Variants in SGCG observed in about 807,000 individuals in gnomAD.
SGCG encodes the protein sarcoglycan gamma.
Under a neutral mutation model 29.3 loss-of-function variants are expected in SGCG, and 26 were observed. The ratio of observed to expected loss-of-function variants is 0.89; its 90% confidence interval spans 0.65 to 1.23. SGCG has a LOEUF of 1.23. Among genes scored for constraint, SGCG ranks in the 50% most tolerant of loss-of-function variants. The pLI is 0.00. For synonymous variants in SGCG, 145 were observed against 129.7 expected, an observed-to-expected ratio of 1.12 and a Z score of -0.80; for missense variants, 353 against 356.0, an observed-to-expected ratio of 0.99 and a Z score of 0.07.
chr13:23,231,545 A>T (rs1879114505), intron 2 of SGCG, among the ~76,000 whole-genome samples: 1 of 152,094 alleles, frequency 6.6e-6, no homozygotes, highest in Non-Finnish European at 1.5e-5. Flanking sequence ...TGAACCCAGA[A>T]ATTTGGCAGC....
At chr13:23,201,035 C>T (rs759250952) in intron 1 of SGCG, among the ~76,000 whole-genome samples, 4 of 152,078 alleles carry the variant, frequency 2.6e-5, no homozygotes, top group Non-Finnish European at 4.4e-5. Flanking sequence ...TGAGCCGATG[C>T]ATGTTTTGAA....
chr13:23,216,795 T>C (rs1878445639), intron 2 of SGCG, among the ~76,000 whole-genome samples: 1 of 152,146 alleles, frequency 6.6e-6, no homozygotes, highest in South Asian at 2.1e-4. Flanking sequence ...TGTTGTTAAT[T>C]ACATAAAATG....
chr13:23,166,522 A>C, the SGCG span, among the ~76,000 whole-genome samples: 1 of 152,058 alleles, frequency 6.6e-6, no homozygotes, highest in African/African-American at 2.4e-5. Context: ...GATTCCCTGT[A>C]TTTGTCTGTC....
chr13:23,277,784 C>T (rs953598031), intron 4 of SGCG, among the ~76,000 whole-genome samples: 11 of 150,918 alleles, frequency 7.3e-5, no homozygotes, highest in East Asian at 3.9e-4. Context: ...CTGCAAGCTC[C>T]GCCTCCCAGG....
At chr13:23,196,258 G>T (rs531277729) in intron 1 of SGCG, among the ~76,000 whole-genome samples, 1 of 152,192 alleles carries the variant, frequency 6.6e-6, no homozygotes, top group South Asian at 2.1e-4. Flanking sequence ...GTAAATTAAA[G>T]ATCTTTAGGC....
Position 23,265,621 on chromosome 13 carries a change from G to C in SGCG, c.386-13738G>C, listed in dbSNP as rs116680461. ...AATAAGTAGGCAAAAGACATTAATA[G>C]ACATTTCTCAAAAGAAGATACAAAA... On this transcript the variant is annotated intron_variant, in intron 4 of 7. Transcript: ENST00000218867. Among the ~76,000 whole-genome samples, 878 of 152,064 alleles carry C rather than the reference G, an allele frequency of 5.8e-3. 7 individuals are homozygous for C. The highest frequency in any genetic ancestry group is 0.02 in the African/African-American group (847 of 41,500).
At chr13:23,256,625 A>G (rs984333541) in intron 4 of SGCG, among the ~76,000 whole-genome samples, 1 of 151,596 alleles carries the variant, frequency 6.6e-6, no homozygotes, top group Non-Finnish European at 1.5e-5. Context: ...GACAACATGC[A>G]GTGTTTGGTT....
intron 2 of SGCG, among the ~76,000 whole-genome samples, chr13:23,234,247 C>A (rs1302937378): frequency 6.6e-6 from 1 of 152,090 alleles, no homozygotes; most frequent in East Asian, 1.9e-4. Context: ...GATGATTAGA[C>A]AAATCTATAT....
intron 2 of SGCG, among the ~76,000 whole-genome samples, chr13:23,205,741 C>T (rs1469364172): frequency 6.6e-6 from 1 of 152,052 alleles, no homozygotes; most frequent in African/African-American, 2.4e-5. Context: ...CCGGCCATCA[C>T]TGCAGCTGCC....
intron 6 of SGCG, 140 bp from the exon 7 acceptor site, chr13:23,320,497 C>T: frequency 1.4e-6 from 1 of 720,916 alleles, no homozygotes; most frequent in Non-Finnish European, 2.3e-6. Flanking sequence ...GAATAATGCA[C>T]AATATGTTAC....
At position 23,199,300 on chromosome 13, in the gene SGCG, C is replaced by T. The variant is rs931798873; in HGVS notation, c.1-4395C>T. 2.0e-5 allele frequency among the ~76,000 whole-genome samples: 3 copies of T among 152,230 alleles called. No homozygotes were observed. In the South Asian group the frequency reaches 6.2e-4, roughly 32 times the overall value. On this transcript the variant is annotated intron_variant, in intron 1 of 7. Transcript: ENST00000218867. The stretch of plus-strand genomic sequence containing the variant: ...TTTAAGTTCTAATATACTTATTTCA[C>T]TAATTATGTTTTGTAAAGGGTTTAT...
At chr13:23,198,013 G>T (rs758363265) in intron 1 of SGCG, among the ~76,000 whole-genome samples, 1 of 152,168 alleles carries the variant, frequency 6.6e-6, no homozygotes, top group South Asian at 2.1e-4. Context: ...ACTGTTGAAA[G>T]CAAAGTGGTG....
intron 6 of SGCG, among the ~76,000 whole-genome samples, chr13:23,299,456 A>ATATATATTTTTTTTT (rs1882059808): frequency 4.8e-5 from 2 of 41,542 alleles, no homozygotes; most frequent in Non-Finnish European, 9.6e-5. Context: ...ATATATATAT[A>ATATATATTTTTTTTT]TTTTTTTTTT....
Position 23,314,699 on chromosome 13 carries a change from AG to A in SGCG, c.579-5936del, listed in dbSNP as rs1882741731. Among the ~76,000 whole-genome samples the A allele has an allele frequency of 6.6e-5, 10 of 152,192 alleles. No individual in the cohort carries two copies. The South Asian group carries it at 1.7e-3, about 25-fold the overall frequency. ...TATTGGTGAGATATTTGTGTGCCAGAGGATGGGAAATACATCCAACTAAAAT... is the reference window on the plus strand; with the variant it reads ...TATTGGTGAGATATTTGTGTGCCAGAGATGGGAAATACATCCAACTAAAAT... On this transcript the variant is annotated intron_variant, in intron 6 of 7. Coordinates refer to ENST00000218867, the MANE Select transcript of SGCG (RefSeq NM_000231.3).
At chr13:23,293,201 G>A (rs1285247620) in intron 5 of SGCG, among the ~76,000 whole-genome samples, 5 of 152,138 alleles carry the variant, frequency 3.3e-5, no homozygotes, top group Non-Finnish European at 5.9e-5. Flanking sequence ...CAGCATACAC[G>A]AAGATCTGTT....
chr13:23,213,064 G>A (rs1878290200), intron 2 of SGCG, among the ~76,000 whole-genome samples: 1 of 152,150 alleles, frequency 6.6e-6, no homozygotes, highest in Non-Finnish European at 1.5e-5. Context: ...TTTCTGTACG[G>A]AGCTGTCAGT....
In SGCG at chr13:23,203,711, A is replaced by G. The variant is rs148041867; in HGVS notation, c.17A>G (p.Tyr6Cys). Residue 6 changes from tyrosine (Y) to cysteine (C), a missense_variant, in exon 2 of 8, where the codon TAC (tyrosine) becomes TGC (cysteine). Coordinates refer to ENST00000218867, the MANE Select transcript of SGCG (RefSeq NM_000231.3). The part of the protein sequence containing the change: MVREQ[Y>C]TTATEGICIE... ...CCGTGGCAGATGGTGCGTGAGCAGT[A>G]CACTACAGCCACAGAAGGCATCTGC... 1.5e-4 allele frequency: 240 copies of G among 1,613,142 alleles called. No individual in the cohort carries two copies. Among genetic ancestry groups the G allele is most frequent in the Non-Finnish European group, 1.9e-4 (227 of 1,179,468 alleles).
chr13:23,178,770 T>G (rs1876637443), upstream of SGCG, among the ~76,000 whole-genome samples: 1 of 152,192 alleles, frequency 6.6e-6, no homozygotes, highest in South Asian at 2.1e-4. Flanking sequence ...ACTGACGACA[T>G]CACTACTGAA....
intron 6 of SGCG, among the ~76,000 whole-genome samples, chr13:23,299,315 A>C (rs1405717462): frequency 6.7e-6 from 1 of 150,008 alleles, no homozygotes; most frequent in Non-Finnish European, 1.5e-5. Flanking sequence ...ACTTCTTGCC[A>C]TCAACTATGT....
Sources: allele counts gnomAD v4.1 joint callset (sites outside exome capture counted in the v4.1 genomes callset), GRCh38; gene constraint gnomAD v4.1.1; transcripts MANE v1.5; gene names NCBI Gene and HGNC (gene_info 2026-07-23, HGNC 2026-07-21).